The following ELP4 variants were observed in gnomAD, a reference collection of about 807,000 sequenced individuals.
ELP4 encodes elongator acetyltransferase complex subunit 4.
Under a neutral mutation model 48.9 loss-of-function variants are expected in ELP4, and 51 were observed. That is an observed-to-expected ratio of 1.04 (90% confidence interval 0.83 to 1.32). ELP4 has a LOEUF of 1.32. Ranked by LOEUF, ELP4 falls within the 40% of genes most tolerant of loss-of-function variation. The pLI, the probability that ELP4 is intolerant of heterozygous loss-of-function variation, is 0.00. For missense variants in ELP4, 519 were observed against 514.6 expected, an observed-to-expected ratio of 1.01 and a Z score of -0.08; for synonymous variants, 210 against 189.2, an observed-to-expected ratio of 1.11 and a Z score of -0.90.
intron 3 of ELP4, among the ~76,000 whole-genome samples, chr11:31,546,462 C>G (rs1439100489): frequency 6.6e-6 from 1 of 152,102 alleles, no homozygotes; most frequent in East Asian, 1.9e-4. Flanking sequence ...GCACCCAATA[C>G]AGGAGCACCC....
At chr11:31,539,256 A>C (rs781246459) in intron 2 of ELP4, among the ~76,000 whole-genome samples, 29 of 152,294 alleles carry the variant, frequency 1.9e-4, no homozygotes, top group Middle Eastern at 3.4e-3. Flanking sequence ...CGAGGTCAGG[A>C]GATCGAGACC....
chr11:31,542,408 T>G (rs1426763129), intron 3 of ELP4, among the ~76,000 whole-genome samples: 1 of 152,236 alleles, frequency 6.6e-6, no homozygotes, highest in Non-Finnish European at 1.5e-5. Flanking sequence ...AGTGCTCACC[T>G]GTACTTGTAC....
chr11:31,698,282 G>C (rs1224734621), intron 9 of ELP4, among the ~76,000 whole-genome samples: 1 of 152,020 alleles, frequency 6.6e-6, no homozygotes, highest in African/African-American at 2.4e-5. Context: ...TTATTGAGCA[G>C]ATTTTAATTA....
At chr11:31,643,874 A>G (rs1435748151) in intron 7 of ELP4, among the ~76,000 whole-genome samples, 2 of 151,886 alleles carry the variant, frequency 1.3e-5, no homozygotes, top group African/African-American at 4.8e-5. Context: ...AGAAGACTGG[A>G]CAATCTGATT....
chr11:31,642,275 T>C (rs1469087611), intron 7 of ELP4, among the ~76,000 whole-genome samples: 1 of 151,970 alleles, frequency 6.6e-6, no homozygotes, highest in Non-Finnish European at 1.5e-5. Flanking sequence ...ATTTGAATAT[T>C]TGAAGCCAGT....
chr11:31,736,663 A>G (rs556870501), intron 9 of ELP4, among the ~76,000 whole-genome samples: 15 of 152,350 alleles, frequency 9.8e-5, no homozygotes, highest in Admixed American at 2.0e-4. Flanking sequence ...AAAAGTGGGC[A>G]AAGGATCTGA....
intron 3 of ELP4, 96 bp downstream of exon 3, chr11:31,539,879 A>T: frequency 9.7e-7 from 1 of 1,032,948 alleles, no homozygotes; most frequent in South Asian, 3.2e-5. Flanking sequence ...ATATATACAA[A>T]CTATATTTAA....
intron 9 of ELP4, among the ~76,000 whole-genome samples, chr11:31,725,124 T>G (rs1947049435): frequency 6.6e-6 from 1 of 152,202 alleles, no homozygotes; most frequent in African/African-American, 2.4e-5. Context: ...TTATGACTGC[T>G]TCTCTGACTA....
chr11:31,528,280 C>T (rs1470195375), intron 2 of ELP4, among the ~76,000 whole-genome samples: 1 of 151,962 alleles, frequency 6.6e-6, no homozygotes, highest in Non-Finnish European at 1.5e-5. Context: ...GATTTGAAAG[C>T]CTGGGTAAAG....
chr11:31,525,466 A>C (rs569589860), intron 2 of ELP4, among the ~76,000 whole-genome samples: 50 of 152,346 alleles, frequency 3.3e-4, no homozygotes, highest in African/African-American at 1.1e-3. Context: ...AGTATGAAAA[A>C]GACTTAAATT....
chr11:31,593,424 T>C (rs1455739290), intron 3 of ELP4, among the ~76,000 whole-genome samples: 1 of 152,060 alleles, frequency 6.6e-6, no homozygotes, highest in Non-Finnish European at 1.5e-5. Flanking sequence ...TTGTATTTTT[T>C]GTAGAGATGG....
At chr11:31,542,747 T>A (rs959232641) in intron 3 of ELP4, among the ~76,000 whole-genome samples, 14 of 152,144 alleles carry the variant, frequency 9.2e-5, no homozygotes, top group African/African-American at 2.7e-4. Flanking sequence ...AATAAAATAT[T>A]CTGTGTCTGG....
chr11:31,577,520 A>C (rs1009013164), intron 3 of ELP4, among the ~76,000 whole-genome samples: 1 of 152,096 alleles, frequency 6.6e-6, no homozygotes, highest in East Asian at 1.9e-4. Context: ...AATATCCCTG[A>C]TGAACATCTA....
chr11:31,748,243 C>CTTT (rs374889218), intron 9 of ELP4, among the ~76,000 whole-genome samples: 11 of 130,546 alleles, frequency 8.4e-5, no homozygotes, highest in South Asian at 2.5e-4. Context: ...AAACCAAGAT[C>CTTT]TTTTTTTTTT....
intron 9 of ELP4, among the ~76,000 whole-genome samples, chr11:31,707,559 C>G (rs1322590700): frequency 2.0e-5 from 3 of 151,844 alleles, no homozygotes; most frequent in African/African-American, 7.3e-5. Context: ...TTGGTATTTT[C>G]TTTTTTCTTT....
Position 31,786,299 on chromosome 11 carries a change from A to G in ELP4, c.*2775A>G, listed in dbSNP as rs957677267. 9.5e-6 allele frequency: 2 copies of G among 209,912 alleles called. No homozygotes were observed. The highest frequency in any genetic ancestry group is 1.9e-5 in the Non-Finnish European group (2 of 103,266). 13.0% of individuals were successfully genotyped at this position (209,912 alleles called of 1,614,324 possible). A position where few individuals can be genotyped will look rare whatever the true frequency, so the allele number is the denominator to read the frequency against. On this transcript the variant is annotated 3_prime_UTR_variant, in exon 10 of 10. Transcript: ENST00000640961. Reference sequence around the variant, plus strand: ...ATTCATTTGTTTAAGCCCATTATTAATGTCATTTCTAAGACAGCATGTTAC... The same window carrying G: ...ATTCATTTGTTTAAGCCCATTATTAGTGTCATTTCTAAGACAGCATGTTAC...
intron 4 of ELP4, among the ~76,000 whole-genome samples, chr11:31,597,605 C>CT (rs1038293895): frequency 1.4e-4 from 21 of 152,144 alleles, no homozygotes; most frequent in African/African-American, 4.3e-4. Context: ...AACCTAAACT[C>CT]TAAGTTTAGA....
At chr11:31,709,668 AATAAG>A (rs1480343780) in intron 9 of ELP4, among the ~76,000 whole-genome samples, 2 of 152,184 alleles carry the variant, frequency 1.3e-5, no homozygotes, top group East Asian at 1.9e-4. Context: ...TCTTGAATAA[AATAAG>A]ATAATAATAA....
intron 9 of ELP4, among the ~76,000 whole-genome samples, chr11:31,692,835 G>T (rs537257466): frequency 6.6e-6 from 1 of 152,112 alleles, no homozygotes; most frequent in South Asian, 2.1e-4. Flanking sequence ...AAATATCACT[G>T]TCTCCCTCAG....
Sources: allele counts gnomAD v4.1 joint callset (sites outside exome capture counted in the v4.1 genomes callset), GRCh38; gene constraint gnomAD v4.1.1; transcripts MANE v1.5; gene names NCBI Gene and HGNC (gene_info 2026-07-23, HGNC 2026-07-21).